The following PSMD13 variants were observed in gnomAD, a reference collection of about 807,000 sequenced individuals.
PSMD13 encodes 26S proteasome non-ATPase regulatory subunit 13.
In PSMD13, 8 loss-of-function variants were observed where a neutral mutation model predicts 57.4. The observed-to-expected ratio is 0.14, with a 90% CI of 0.08 to 0.25. The LOEUF (loss-of-function observed/expected upper bound fraction) is 0.25, where lower values mean the gene tolerates loss of function less well. Ranked by LOEUF, PSMD13 falls within the 10% of genes least tolerant of loss-of-function variation. The probability of loss-of-function intolerance (pLI) is 1.00; values close to 1 mark genes in which losing one functional copy is unlikely to be tolerated. For synonymous variants in PSMD13, 193 were observed against 168.2 expected (o/e 1.15, Z -1.14); for missense variants, 400 against 461.5 (o/e 0.87, Z 1.22).
chr11:249,182 G>C (rs769638472), intron 9 of PSMD13, 125 bp downstream of exon 9: 1 of 1,326,006 alleles, frequency 7.5e-7, no homozygotes, highest in Non-Finnish European at 1.0e-6. Context: ...ACCAAGATAG[G>C]CTAGTCCTTG....
intron 7 of PSMD13, among the ~76,000 whole-genome samples, chr11:248,351 A>C (rs561361567): frequency 2.0e-5 from 3 of 152,376 alleles, no homozygotes; most frequent in African/African-American, 7.2e-5. Context: ...CTGTATGTCA[A>C]GAAAAATATA....
At chr11:249,649 C>T (rs946849057) in intron 9 of PSMD13, among the ~76,000 whole-genome samples, 1 of 150,030 alleles carries the variant, frequency 6.7e-6, no homozygotes, top group African/African-American at 2.5e-5. Flanking sequence ...GGAGAACAGC[C>T]AATTCACCTC....
At chr11:238,927 G>A in intron 1 of PSMD13, 71 bp from the exon 2 acceptor site, 1 of 1,359,770 alleles carries the variant, frequency 7.4e-7, no homozygotes, top group Non-Finnish European at 1.1e-6. Flanking sequence ...TGACTTGATA[G>A]AATCATCAAG....
In PSMD13 at chr11:237,066, G is replaced by C; in HGVS notation, c.17G>C (p.Gly6Ala). The C allele has an allele frequency of 6.2e-7, 1 of 1,613,886 alleles. No individual in the cohort carries two copies. The highest frequency in any genetic ancestry group is 1.1e-5 in the South Asian group (1 of 91,068). ...CCTGCTGTCATGAAGGACGTACCGG[G>C]CTTCCTACAGCAGAGCCAGAACTCC... Reference protein sequence around the residue: MKDVPGFLQQSQNSGP... With the variant: MKDVPAFLQQSQNSGP... Residue 6 changes from glycine to alanine, a missense_variant, in exon 1 of 13, where the codon GGC (glycine) becomes GCC (alanine). Physicochemically the swap from Gly to Ala is moderately conservative, Grantham distance 60. Coordinates refer to ENST00000532097, the MANE Select transcript of PSMD13 (RefSeq NM_002817.4).
At position 237,155 on chromosome 11, in the gene PSMD13, A is replaced by C; in HGVS notation, c.95+11A>C. Reference sequence around the variant, plus strand: ...GCTCTACACGAAGAAGTGAGCGCCGAGCAGACGGGCCCTGGGCCCCGGCGA... The same window carrying C: ...GCTCTACACGAAGAAGTGAGCGCCGCGCAGACGGGCCCTGGGCCCCGGCGA... On this transcript the variant is annotated intron_variant, in intron 1 of 12. Coordinates refer to ENST00000532097, the MANE Select transcript of PSMD13 (RefSeq NM_002817.4). 6.2e-7 allele frequency: 1 copy of C among 1,607,236 alleles called. No individual in the cohort carries two copies.
rs115352964 is a variant in PSMD13 at position 241,583 on chromosome 11, C to T, written c.175-2458C>T. On this transcript the variant is annotated intron_variant, in intron 2 of 12. Transcript: ENST00000532097. ...CCAAAGTTAAGGTCATTTGGAGGTT[C>T]CCTCTCCTACTGTGCCCACACTAGG... Among the ~76,000 whole-genome samples the T allele has an allele frequency of 3.0e-4, 46 of 152,242 alleles. 1 individual carries two copies. The highest frequency in any genetic ancestry group is 1.1e-3 in the African/African-American group (45 of 41,538).
rs768644685 is a variant in PSMD13, at chr11:237,033, G to C, written c.-17G>C. The C allele has an allele frequency of 8.1e-6, 13 of 1,599,284 alleles. No homozygotes were observed. Among genetic ancestry groups the C allele is most frequent in the Non-Finnish European group, 1.1e-5 (13 of 1,166,952 alleles). ...ACATCCCGGTTGTTCTTCTGTGCCG[G>C]GGGTCTTCCTGCTGTCATGAAGGAC... On this transcript the variant is annotated 5_prime_UTR_variant, in exon 1 of 13. Transcript: ENST00000532097.
rs199950608 is a variant in PSMD13, at chr11:244,241, G to A, written c.265+25G>A. On this transcript the variant is annotated intron_variant, in intron 4 of 12. Transcript: ENST00000532097. ...GGTAAGTCTCACTTTGTTTTATAAA[G>A]GAGCAGATCCAAATGGTGGTTAAAA... The A allele has an allele frequency of 2.5e-6, 4 of 1,605,294 alleles. 1 individual carries two copies. The highest frequency in any genetic ancestry group is 3.4e-6 in the Non-Finnish European group (4 of 1,177,674).
chr11:241,100 G>A (rs933361663), intron 2 of PSMD13, among the ~76,000 whole-genome samples: 2 of 139,486 alleles, frequency 1.4e-5, no homozygotes, highest in Admixed American at 1.4e-4. Context: ...CCAAAGTGCT[G>A]GGATTACAGG....
Position 252,319 on chromosome 11 carries a change from G to T in PSMD13, c.1036-186G>T. ...TTCTTTCATGCAAGTTTTTTCTAAC[G>T]TTCCTGTGAAAAGAATTAACCCGGC... On this transcript the variant is annotated intron_variant, in intron 12 of 12. Coordinates refer to ENST00000532097, the MANE Select transcript of PSMD13 (RefSeq NM_002817.4). The surrounding 1 kb of genome is among the most constrained non-coding windows in gnomAD (Gnocchi z 4.1). The T allele has an allele frequency of 3.4e-6, 2 of 580,814 alleles. No homozygotes were observed. Among genetic ancestry groups the T allele is most frequent in the Admixed American group, 3.0e-5 (1 of 33,462 alleles). The allele number at this position is 580,814 out of a possible 1,614,324, so 36.0% of individuals were successfully genotyped here. A position where few individuals can be genotyped will look rare whatever the true frequency, so the allele number is the denominator to read the frequency against.
At position 245,247 on chromosome 11, in the gene PSMD13, C is replaced by G. The variant is rs551413734; in HGVS notation, c.396+486C>G. Among the ~76,000 whole-genome samples the G allele has an allele frequency of 1.2e-4, 19 of 152,268 alleles. No individual in the cohort carries two copies. In the South Asian group the frequency reaches 3.3e-3, roughly 27 times the overall value. ...CGTGAGCCGCTGCGCCCAGCCCCCC[C>G]GATTGCTAACCTTTTACCGCTTTTG... On this transcript the variant is annotated intron_variant, in intron 6 of 12. Coordinates refer to ENST00000532097, the MANE Select transcript of PSMD13 (RefSeq NM_002817.4).
At chr11:238,621 A>C (rs920904797) in intron 1 of PSMD13, among the ~76,000 whole-genome samples, 1 of 152,202 alleles carries the variant, frequency 6.6e-6, no homozygotes, top group Non-Finnish European at 1.5e-5. Context: ...CAGTGAGCCG[A>C]GATGGCGCCA....
At chr11:250,173 T>C (rs1859742742) in intron 9 of PSMD13, among the ~76,000 whole-genome samples, 1 of 152,200 alleles carries the variant, frequency 6.6e-6, no homozygotes, top group Non-Finnish European at 1.5e-5. Context: ...GGGCTACCTG[T>C]GTCAGGATAT....
At chr11:239,988 C>G (rs1399168694) in intron 2 of PSMD13, among the ~76,000 whole-genome samples, 1 of 151,316 alleles carries the variant, frequency 6.6e-6, no homozygotes, top group African/African-American at 2.4e-5. Context: ...TGGTTTATAG[C>G]CATCAATTTG....
intron 1 of PSMD13, among the ~76,000 whole-genome samples, 196 bp downstream of exon 1, chr11:237,340 A>G (rs1453369495): frequency 1.3e-5 from 2 of 152,182 alleles, no homozygotes; most frequent in Non-Finnish European, 2.9e-5. Context: ...AATAAGAGGG[A>G]TGACAGACCA....
intron 2 of PSMD13, among the ~76,000 whole-genome samples, chr11:241,970 T>C (rs1295818411): frequency 6.6e-6 from 1 of 152,130 alleles, no homozygotes; most frequent in East Asian, 1.9e-4. Context: ...TCAGTGCTTT[T>C]GCACATGTTT....
chr11:247,269 G>T lies in PSMD13; in HGVS notation c.397-8G>T, dbSNP rs766389257. 39 of 1,603,762 alleles carry T rather than the reference G, an allele frequency of 2.4e-5. No individual in the cohort carries two copies. The highest frequency in any genetic ancestry group is 3.1e-5 in the Non-Finnish European group (37 of 1,176,324). On this transcript the variant is annotated splice_region_variant and splice_polypyrimidine_tract_variant and intron_variant, in intron 6 of 12. Coordinates refer to ENST00000532097, the MANE Select transcript of PSMD13 (RefSeq NM_002817.4). ...AAAAAGAGAGATGATTTTCCTTCCT[G>T]TGTATAGGAAACAATTGAAGATGTT... is the stretch of plus-strand genomic sequence containing the variant.
In PSMD13 at chr11:251,630, C is replaced by T. The variant is rs761923112; in HGVS notation, c.918+4C>T. On this transcript the variant is annotated splice_donor_region_variant and intron_variant, in intron 11 of 12. Coordinates refer to ENST00000532097, the MANE Select transcript of PSMD13 (RefSeq NM_002817.4). This position sits in a 1 kb window ranked among gnomAD's most constrained non-coding sequence, Gnocchi z 4.6. ...TGCTAAAATCACAGTGAATGAGGTACGGTCCCTAGGCTCAGGGTGTTAGAG... is the reference window on the plus strand; with the variant it reads ...TGCTAAAATCACAGTGAATGAGGTATGGTCCCTAGGCTCAGGGTGTTAGAG... 7 of 1,610,688 alleles carry T rather than the reference C, an allele frequency of 4.3e-6. No individual in the cohort carries two copies. Among genetic ancestry groups the T allele is most frequent in the South Asian group, 3.3e-5 (3 of 90,976 alleles).
Position 252,646 on chromosome 11 carries a change from G to A in PSMD13, c.*46G>A, listed in dbSNP as rs561112234. ...TGTCTCCTTTGACTCACCTGAGAGA[G>A]GCGTTTGCAGCCAATGAAGCTGGCT... On this transcript the variant is annotated 3_prime_UTR_variant, in exon 13 of 13. Transcript: ENST00000532097. The surrounding 1 kb of genome is among the most constrained non-coding windows in gnomAD (Gnocchi z 4.1). The A allele has an allele frequency of 5.8e-5, 92 of 1,573,322 alleles. 1 individual carries two copies. The East Asian group carries it at 1.8e-3, about 30-fold the overall frequency.
Sources: gnomAD v4.1 joint callset for allele counts (sites outside exome capture counted in the v4.1 genomes callset) on GRCh38, gnomAD v4.1.1 for gene constraint, Gnocchi (gnomAD v3.1) non-coding constraint, MANE v1.5 for transcripts, NCBI Gene and HGNC (gene_info 2026-07-23, HGNC 2026-07-21) for gene names.